The following ITGA9 variants were observed in gnomAD, a reference collection of about 807,000 sequenced individuals.
ITGA9 encodes integrin alpha-9.
ITGA9 carries 56 observed loss-of-function variants against 127.8 expected under a neutral mutation model. That is an observed-to-expected ratio of 0.44 (90% CI 0.35 to 0.55). The LOEUF is 0.55. Among genes scored for constraint, ITGA9 ranks in the 20% least tolerant of loss-of-function variants. ITGA9 has a pLI of 0.00. For missense variants in ITGA9, 1,196 were observed against 1,347.1 expected (o/e 0.89, Z 1.76); for synonymous variants, 508 against 514.5 (o/e 0.99, Z 0.17).
chr3:37,574,278 C>A (rs544027048), intron 15 of ITGA9, among the ~76,000 whole-genome samples: 5 of 152,154 alleles, frequency 3.3e-5, no homozygotes, highest in African/African-American at 1.2e-4. Context: ...CAAAATAAAC[C>A]CTCTTTTATT....
rs1168583950 is a variant in ITGA9, at chr3:37,760,155, C to A, written c.2541+9586C>A. On this transcript the variant is annotated intron_variant, in intron 23 of 27. Coordinates refer to ENST00000264741, the MANE Select transcript of ITGA9 (RefSeq NM_002207.3). The stretch of plus-strand genomic sequence containing the variant: ...AGAGTCGTCTGTAATCTCAGCTACT[C>A]AGGAGGCTGAGGCAGGAGAATTGCT... 2.0e-5 allele frequency among the ~76,000 whole-genome samples: 3 copies of A among 151,866 alleles called. No homozygotes were observed. The East Asian group carries it at 5.8e-4, about 29-fold the overall frequency.
intron 17 of ITGA9, among the ~76,000 whole-genome samples, chr3:37,662,413 C>T (rs963215351): frequency 1.3e-5 from 2 of 151,956 alleles, no homozygotes; most frequent in African/African-American, 4.8e-5. Context: ...AATAATAATG[C>T]AGCTGGGCAC....
At chr3:37,794,580 C>T (rs1003408950) in intron 26 of ITGA9, among the ~76,000 whole-genome samples, 1 of 152,198 alleles carries the variant, frequency 6.6e-6, no homozygotes, top group African/African-American at 2.4e-5. Flanking sequence ...TTCTCCATCG[C>T]TTGAGGTAAA....
intron 17 of ITGA9, among the ~76,000 whole-genome samples, chr3:37,666,472 C>T (rs1293904626): frequency 3.3e-5 from 5 of 152,194 alleles, no homozygotes; most frequent in Non-Finnish European, 5.9e-5. Flanking sequence ...CTTCTGGTCT[C>T]ATTTGGGCCC....
At chr3:37,588,713 T>A (rs1325243710) in intron 15 of ITGA9, among the ~76,000 whole-genome samples, 1 of 152,194 alleles carries the variant, frequency 6.6e-6, no homozygotes, top group African/African-American at 2.4e-5. Context: ...TTACCCAGGG[T>A]GATACCATTT....
intron 15 of ITGA9, among the ~76,000 whole-genome samples, chr3:37,619,844 CT>C (rs1700110831): frequency 6.6e-6 from 1 of 152,154 alleles, no homozygotes; most frequent in Non-Finnish European, 1.5e-5. Flanking sequence ...GCAGAAGACT[CT>C]TTTTGCTGCT....
At chr3:37,615,912 C>T (rs1700069755) in intron 15 of ITGA9, among the ~76,000 whole-genome samples, 2 of 152,154 alleles carry the variant, frequency 1.3e-5, no homozygotes, top group Non-Finnish European at 2.9e-5. Flanking sequence ...TTCAAAAAAA[C>T]AGCTCCTGGA....
chr3:37,655,543 G>T (rs990370602), intron 17 of ITGA9, among the ~76,000 whole-genome samples: 3 of 151,690 alleles, frequency 2.0e-5, no homozygotes, highest in Admixed American at 6.6e-5. Context: ...TGATGGGGTT[G>T]TTTTTTTTCT....
intron 17 of ITGA9, among the ~76,000 whole-genome samples, chr3:37,679,064 C>T (rs1293376664): frequency 6.6e-6 from 1 of 151,990 alleles, no homozygotes; most frequent in Non-Finnish European, 1.5e-5. Flanking sequence ...TTTCAGCAGG[C>T]TATATATATG....
intron 26 of ITGA9, among the ~76,000 whole-genome samples, chr3:37,793,267 G>C (rs977307931): frequency 6.6e-6 from 1 of 151,896 alleles, no homozygotes; most frequent in African/African-American, 2.4e-5. Flanking sequence ...GCTATGGAAA[G>C]TTGTATTCTC....
At chr3:37,481,407 T>A (rs1387842033) in intron 3 of ITGA9, 77 bp from the exon 4 acceptor site, 1 of 1,579,230 alleles carries the variant, frequency 6.3e-7, no homozygotes, top group African/African-American at 1.3e-5. Flanking sequence ...GAAAGAAACA[T>A]CTGGCACTGA....
chr3:37,672,317 G>A (rs1447942720), intron 17 of ITGA9, among the ~76,000 whole-genome samples: 1 of 152,104 alleles, frequency 6.6e-6, no homozygotes, highest in East Asian at 1.9e-4. Flanking sequence ...GGTCTTTCCT[G>A]TGTTGTTCTT....
chr3:37,711,551 G>A (rs900109567), intron 18 of ITGA9, among the ~76,000 whole-genome samples: 7 of 152,074 alleles, frequency 4.6e-5, no homozygotes, highest in Non-Finnish European at 8.8e-5. Flanking sequence ...CTATAGTCAC[G>A]TGCCACCACG....
At position 37,736,985 on chromosome 3, in the gene ITGA9, T is replaced by TG; in HGVS notation, c.2234+2_2234+3insG. 1 of 1,598,548 alleles carries TG rather than the reference T, an allele frequency of 6.3e-7. No homozygotes were observed. Among genetic ancestry groups the TG allele is most frequent in the Non-Finnish European group, 8.6e-7 (1 of 1,166,290 alleles). On this transcript the variant is annotated splice_region_variant and intron_variant, in intron 20 of 27. Transcript: ENST00000264741. ...CAGCTTCATTGTTACTGCTCAGAGG[T>TG]AAGGGGGGGGTTTAAACACTTTTTT...
At chr3:37,527,018 T>C (rs1279153073) in intron 13 of ITGA9, among the ~76,000 whole-genome samples, 1 of 152,244 alleles carries the variant, frequency 6.6e-6, no homozygotes, top group African/African-American at 2.4e-5. Flanking sequence ...AGGTTGAATG[T>C]GAACTCAGGG....
Position 37,452,507 on chromosome 3 carries a change from G to A in ITGA9, c.133G>A (p.Asp45Asn). 7 of 1,526,356 alleles carry A rather than the reference G, an allele frequency of 4.6e-6. No homozygotes were observed. Among genetic ancestry groups the A allele is most frequent in the Non-Finnish European group, 6.2e-6 (7 of 1,136,856 alleles). The allele number at this position is 1,526,356 out of a possible 1,614,324, so 94.6% of individuals were successfully genotyped here. Residue 45 changes from aspartate to asparagine, a missense_variant, in exon 1 of 28, where the codon GAC becomes AAC. Coordinates refer to ENST00000264741, the MANE Select transcript of ITGA9 (RefSeq NM_002207.3). This position sits in a 1 kb window ranked among gnomAD's most constrained non-coding sequence, Gnocchi z 7.3. Reference protein sequence around the residue: ...QRPVHFQGPADSFFGYAVLEH... With the variant: ...QRPVHFQGPANSFFGYAVLEH... Reference sequence around the variant, plus strand: ...CCCCGTGCACTTCCAGGGCCCCGCTGACTCGTTCTTCGGCTACGCAGTTCT... The same window carrying A: ...CCCCGTGCACTTCCAGGGCCCCGCTAACTCGTTCTTCGGCTACGCAGTTCT...
At chr3:37,655,886 G>C (rs1700473020) in intron 17 of ITGA9, among the ~76,000 whole-genome samples, 1 of 152,186 alleles carries the variant, frequency 6.6e-6, no homozygotes, top group South Asian at 2.1e-4. Context: ...TGTAAGGAAA[G>C]GGTCCAGTTT....
intron 17 of ITGA9, among the ~76,000 whole-genome samples, chr3:37,657,757 C>G (rs912427478): frequency 6.6e-6 from 1 of 151,618 alleles, no homozygotes; most frequent in Non-Finnish European, 1.5e-5. Flanking sequence ...TTTGCTCTTA[C>G]TTCTCTAGTT....
intron 17 of ITGA9, among the ~76,000 whole-genome samples, chr3:37,660,176 C>A (rs1700520214): frequency 6.6e-6 from 1 of 152,096 alleles, no homozygotes; most frequent in Non-Finnish European, 1.5e-5. Flanking sequence ...CGAAGGACCT[C>A]CTGGGATTAT....
Sources: allele counts gnomAD v4.1 joint callset (sites outside exome capture counted in the v4.1 genomes callset), GRCh38; gene constraint gnomAD v4.1.1; non-coding constraint Gnocchi (gnomAD v3.1); transcripts MANE v1.5; gene names NCBI Gene and HGNC (gene_info 2026-07-23, HGNC 2026-07-21).